Variants in SPOCK1 observed in about 807,000 individuals in gnomAD.
SPOCK1 encodes testican-1.
Under a neutral mutation model 55.3 loss-of-function variants are expected in SPOCK1, and 23 were observed. That is an observed-to-expected ratio of 0.42 (90% CI 0.30 to 0.59). SPOCK1 has a LOEUF of 0.59. Among genes scored for constraint, SPOCK1 ranks in the 20% least tolerant of loss-of-function variants. SPOCK1 has a pLI of 0.22. For missense variants in SPOCK1, 499 were observed against 552.5 expected (o/e 0.90, Z 0.97); for synonymous variants, 226 against 221.0 (o/e 1.02, Z -0.20).
intron 2 of SPOCK1, among the ~76,000 whole-genome samples, chr5:137,411,904 G>GT (rs901843558): frequency 8.2e-6 from 1 of 122,540 alleles, no homozygotes; most frequent in South Asian, 2.4e-4. Flanking sequence ...AATGTTGACT[G>GT]TTTTTCCACT....
At chr5:137,267,202 T>C (rs1756873929) in intron 2 of SPOCK1, 147 bp from the exon 3 acceptor site, 1 of 636,212 alleles carries the variant, frequency 1.6e-6, no homozygotes. Context: ...GGCATTAATG[T>C]GTAATAAAAA....
At chr5:137,343,795 T>C (rs1158676148) in intron 2 of SPOCK1, among the ~76,000 whole-genome samples, 1 of 152,238 alleles carries the variant, frequency 6.6e-6, no homozygotes, top group East Asian at 1.9e-4. Context: ...AGCATGAGAA[T>C]ATCAGAAAGC....
At chr5:137,207,064 T>A (rs1055926027) in intron 3 of SPOCK1, among the ~76,000 whole-genome samples, 18 of 152,334 alleles carry the variant, frequency 1.2e-4, no homozygotes, top group African/African-American at 3.8e-4. Flanking sequence ...TACCTATATA[T>A]AAAAGTGCAG....
At chr5:137,117,629 G>T (rs1029880800) in intron 4 of SPOCK1, among the ~76,000 whole-genome samples, 1 of 152,076 alleles carries the variant, frequency 6.6e-6, no homozygotes, top group African/African-American at 2.4e-5. Context: ...GAAAATGTTA[G>T]CACTATGGTG....
intron 2 of SPOCK1, among the ~76,000 whole-genome samples, chr5:137,367,372 C>T (rs1174131169): frequency 1.3e-5 from 2 of 152,204 alleles, no homozygotes; most frequent in African/African-American, 2.4e-5. Flanking sequence ...GAGCACTGTG[C>T]ACGGAAGAAT....
intron 2 of SPOCK1, among the ~76,000 whole-genome samples, chr5:137,295,330 C>T (rs77625314): frequency 7.4e-4 from 113 of 152,284 alleles, no homozygotes; most frequent in African/African-American, 2.5e-3. Context: ...ATGTCACTGC[C>T]TCCATGAAAG....
At position 136,977,515 on chromosome 5, in the gene SPOCK1, A is replaced by C. The variant is rs1196164267; in HGVS notation, c.*1139T>G. The C allele has an allele frequency of 2.3e-5, 7 of 310,738 alleles. No individual in the cohort carries two copies. The East Asian group carries it at 3.5e-4, about 16-fold the overall frequency. The allele number at this position is 310,738 out of a possible 1,614,324, so 19.2% of individuals were successfully genotyped here. On this transcript the variant is annotated 3_prime_UTR_variant, in exon 11 of 11. Transcript: ENST00000394945. ...CAAAACATTGAGTTCAGAATTAGAA[A>C]TTTTCTTCTTTTAAGGAACACCATG...
chr5:137,416,209 A>T (rs943255152), intron 2 of SPOCK1, among the ~76,000 whole-genome samples: 1 of 152,136 alleles, frequency 6.6e-6, no homozygotes, highest in Non-Finnish European at 1.5e-5. Context: ...TATACCAAGC[A>T]AAAATGTCTT....
intron 3 of SPOCK1, among the ~76,000 whole-genome samples, chr5:137,240,822 A>G (rs2966732): frequency 0.71 from 107,491 of 152,034 alleles, 38,436 homozygotes; most frequent in African/African-American, 0.82. Context: ...ACATTATCGA[A>G]CAATGATTAA....
intron 2 of SPOCK1, among the ~76,000 whole-genome samples, chr5:137,493,223 C>T (rs941978923): frequency 6.6e-6 from 1 of 152,156 alleles, no homozygotes; most frequent in African/African-American, 2.4e-5. Flanking sequence ...GTTTGAAACA[C>T]ATTATATTGA....
intron 4 of SPOCK1, among the ~76,000 whole-genome samples, chr5:137,122,745 G>C (rs756716453): frequency 2.0e-5 from 3 of 152,232 alleles, no homozygotes; most frequent in Non-Finnish European, 2.9e-5. Flanking sequence ...CCAGCTAATT[G>C]TAGGCTCAGG....
At chr5:137,004,872 A>C (rs1415965100) in intron 6 of SPOCK1, among the ~76,000 whole-genome samples, 2 of 152,212 alleles carry the variant, frequency 1.3e-5, no homozygotes, top group Admixed American at 1.3e-4. Flanking sequence ...GAAGTGATAG[A>C]CTTCTTGTTC....
At position 137,416,281 on chromosome 5, in the gene SPOCK1, G is replaced by T. The variant is rs553156412; in HGVS notation, c.186+82092C>A. 2.0e-5 allele frequency among the ~76,000 whole-genome samples: 3 copies of T among 149,274 alleles called. No individual in the cohort carries two copies. The South Asian group carries it at 6.3e-4, about 31-fold the overall frequency. On this transcript the variant is annotated intron_variant, in intron 2 of 10. Transcript: ENST00000394945. ...AACCTTACAGAATTCATCACCAGCA[G>T]ATCCTCCCCTCTGAAAAAAAAAAAT...
chr5:137,218,866 T>C (rs962764725), intron 3 of SPOCK1, among the ~76,000 whole-genome samples: 2 of 152,096 alleles, frequency 1.3e-5, no homozygotes, highest in African/African-American at 4.8e-5. Context: ...GCCAGGTACC[T>C]GGGCAGAGGC....
At chr5:137,024,266 A>C (rs1450686394) in intron 6 of SPOCK1, among the ~76,000 whole-genome samples, 1 of 136,276 alleles carries the variant, frequency 7.3e-6, no homozygotes, top group African/African-American at 2.7e-5. Context: ...TCGGCTGCTG[A>C]TCTGCCAGAC....
rs144525825 is a variant in SPOCK1, at chr5:137,071,047, G to A, written c.475-3218C>T. On this transcript the variant is annotated intron_variant, in intron 5 of 10. Transcript: ENST00000394945. ...TTTTTTTTTTTTTTTTAAAGAGACAGGGTCTCACTCTGTCACCCTGGCTAG... is the reference window on the plus strand; with the variant it reads ...TTTTTTTTTTTTTTTTAAAGAGACAAGGTCTCACTCTGTCACCCTGGCTAG... 5.1e-3 allele frequency among the ~76,000 whole-genome samples: 771 copies of A among 150,594 alleles called. 2 individuals are homozygous for A. Among genetic ancestry groups the A allele is most frequent in the African/African-American group, 0.018 (727 of 40,854 alleles).
chr5:137,356,838 TAGAGAG>T (rs1177060339), intron 2 of SPOCK1, among the ~76,000 whole-genome samples: 13 of 5,454 alleles, frequency 2.4e-3, no homozygotes, highest in African/African-American at 4.1e-3. Flanking sequence ...TATATATATA[TAGAGAG>T]AGAGAGAGAG....
chr5:137,054,256 A>G (rs1752262552), intron 6 of SPOCK1, among the ~76,000 whole-genome samples: 1 of 152,206 alleles, frequency 6.6e-6, no homozygotes, highest in Non-Finnish European at 1.5e-5. Context: ...GCTTGCCCAA[A>G]GCCACATAGC....
intron 2 of SPOCK1, among the ~76,000 whole-genome samples, chr5:137,409,710 T>G (rs1752171523): frequency 6.6e-6 from 1 of 152,202 alleles, no homozygotes; most frequent in African/African-American, 2.4e-5. Context: ...CCACAATGAT[T>G]GGGTTGAGAA....
Sources: allele counts gnomAD v4.1 joint callset (sites outside exome capture counted in the v4.1 genomes callset), GRCh38; gene constraint gnomAD v4.1.1; transcripts MANE v1.5; gene names NCBI Gene and HGNC (gene_info 2026-07-23, HGNC 2026-07-21).